The following SLC14A2 variants were observed in gnomAD, a reference collection of about 807,000 sequenced individuals.
SLC14A2 encodes urea transporter 2.
Under a neutral mutation model 104.6 loss-of-function variants are expected in SLC14A2, and 91 were observed. The ratio of observed to expected loss-of-function variants is 0.87; its 90% CI spans 0.73 to 1.04. SLC14A2 has a LOEUF of 1.04. Ranked by LOEUF, SLC14A2 falls within the 50% of genes least tolerant of loss-of-function variation. SLC14A2 has a pLI of 0.00. For missense variants in SLC14A2, 1,189 were observed against 1,156.0 expected (o/e 1.03, Z -0.41); for synonymous variants, 476 against 466.4 (o/e 1.02, Z -0.27).
intron 1 of SLC14A2, among the ~76,000 whole-genome samples, chr18:45,387,441 C>CA (rs1247663478): frequency 6.6e-6 from 1 of 152,162 alleles, no homozygotes; most frequent in Non-Finnish European, 1.5e-5. Context: ...ATGGTTACCA[C>CA]ACCCTGGAAA....
At chr18:45,396,254 C>A (rs1205602989) in intron 1 of SLC14A2, among the ~76,000 whole-genome samples, 1 of 152,136 alleles carries the variant, frequency 6.6e-6, no homozygotes, top group East Asian at 1.9e-4. Flanking sequence ...AGCTAGTCTT[C>A]CCAGATCTGT....
rs758979571 is a variant in SLC14A2, at chr18:45,637,176, G to A, written c.837G>A (p.Met279Ile). ...VPNITWTEME[M>I]PLLLQAIPVG... ...ATATCACCTGGACAGAGATGGAAATGCCCCTGGTAAGTTACCCAGCGGTGA... is the reference window on the plus strand; with the variant it reads ...ATATCACCTGGACAGAGATGGAAATACCCCTGGTAAGTTACCCAGCGGTGA... The change falls in exon 6 of 20, where the codon ATG (methionine) becomes ATA (isoleucine). Residue 279 changes from methionine (M) to isoleucine (I), a missense_variant. Physicochemically the swap from Met to Ile is conservative, Grantham distance 10. Transcript: ENST00000255226. 6.2e-7 allele frequency: 1 copy of A among 1,613,758 alleles called. No individual in the cohort carries two copies. The highest frequency in any genetic ancestry group is 1.1e-5 in the South Asian group (1 of 91,012).
intron 2 of SLC14A2, among the ~76,000 whole-genome samples, chr18:45,567,055 AGTGTGTGTGTGTGTGTGT>A (rs3058364): frequency 1.7e-4 from 24 of 139,810 alleles, no homozygotes; most frequent in South Asian, 1.3e-3. Context: ...ATGTGCACAT[AGTGTGTGTGTGTGTGTGT>A]GTGTGTGTGT....
intron 1 of SLC14A2, among the ~76,000 whole-genome samples, chr18:45,408,172 T>C (rs2086176949): frequency 6.6e-6 from 1 of 152,194 alleles, no homozygotes; most frequent in Non-Finnish European, 1.5e-5. Flanking sequence ...TACAAATGCT[T>C]TGTTCTTCAC....
At chr18:45,672,862 G>T (rs777785266) in intron 16 of SLC14A2, 38 bp from the exon 17 acceptor site, 1 of 1,583,838 alleles carries the variant, frequency 6.3e-7, no homozygotes. Flanking sequence ...TGTCTCTTTT[G>T]CCTCCATAAT....
At chr18:45,190,747 C>T in the SLC14A2 span, among the ~76,000 whole-genome samples, 1 of 152,170 alleles carries the variant, frequency 6.6e-6, no homozygotes, top group African/African-American at 2.4e-5. Flanking sequence ...GCACTTTTGT[C>T]CAAAGGGATA....
At chr18:45,441,201 G>A (rs2086677561) in intron 1 of SLC14A2, among the ~76,000 whole-genome samples, 1 of 152,078 alleles carries the variant, frequency 6.6e-6, no homozygotes, top group Admixed American at 6.5e-5. Flanking sequence ...AAATAACAAG[G>A]TGCCTTTTTA....
Position 45,492,616 on chromosome 18 carries a change from G to A in SLC14A2, c.-35+9294G>A, listed in dbSNP as rs114698358. Among the ~76,000 whole-genome samples, 977 of 152,308 alleles carry A rather than the reference G, an allele frequency of 6.4e-3. 11 individuals carry two copies. The highest frequency in any genetic ancestry group is 0.022 in the African/African-American group (915 of 41,558). ...AGATTTGGGTGGGTCACAGAGCCAA[G>A]CCATATCAGAAATGTTTTCTTTAAT... On this transcript the variant is annotated intron_variant, in intron 2 of 20. Transcript: ENST00000586448.
intron 2 of SLC14A2, among the ~76,000 whole-genome samples, chr18:45,499,089 C>CACA (rs1303891459): frequency 6.6e-6 from 1 of 152,146 alleles, no homozygotes; most frequent in Non-Finnish European, 1.5e-5. Context: ...CAGTCCCAAA[C>CACA]ACCACCACCA....
At chr18:45,502,341 A>G (rs1481743513) in intron 2 of SLC14A2, among the ~76,000 whole-genome samples, 1 of 152,238 alleles carries the variant, frequency 6.6e-6, no homozygotes, top group African/African-American at 2.4e-5. Context: ...AGCTGCCTCC[A>G]TGAGAACATA....
At chr18:45,361,812 T>TA (rs398120414) in intron 1 of SLC14A2, among the ~76,000 whole-genome samples, 15 of 152,074 alleles carry the variant, frequency 9.9e-5, no homozygotes, top group Non-Finnish European at 1.3e-4. Flanking sequence ...TTTTTTTTTT[T>TA]AAATCTTGAA....
chr18:45,244,401 C>T lies in SLC14A2; in HGVS notation c.-125+31210C>T, dbSNP rs565691637. Among the ~76,000 whole-genome samples, 6 of 152,104 alleles carry T rather than the reference C, an allele frequency of 3.9e-5. No individual in the cohort carries two copies. In the East Asian group the frequency reaches 7.7e-4, roughly 20 times the overall value. ...CAGCACTTTGGGAAGCCAAGGCGGG[C>T]GGATCACGTGAGGTCAGGAGTTTGA... On this transcript the variant is annotated intron_variant, in intron 1 of 20. Coordinates refer to the SLC14A2 transcript ENST00000586448.
At chr18:45,614,842 G>T (rs1279438628), upstream of SLC14A2, 1 of 139,856 alleles carries the variant, frequency 7.2e-6, no homozygotes, top group African/African-American at 2.7e-5. Flanking sequence ...CTGTCACCCA[G>T]GCTGGAGTAC....
intron 1 of SLC14A2, among the ~76,000 whole-genome samples, chr18:45,218,896 TA>T (rs59483107): frequency 3.0e-3 from 432 of 142,724 alleles, no homozygotes; most frequent in Admixed American, 3.7e-3. Flanking sequence ...CTTGCTGCTT[TA>T]AAAAAAAAAA....
chr18:45,677,589 G>T (rs150363263), intron 18 of SLC14A2, among the ~76,000 whole-genome samples: 29 of 152,340 alleles, frequency 1.9e-4, no homozygotes, highest in African/African-American at 7.0e-4. Flanking sequence ...TTGTGAAAAT[G>T]ATGAGAATAA....
chr18:45,595,468 C>T (rs2044708032), intron 2 of SLC14A2, among the ~76,000 whole-genome samples: 1 of 151,962 alleles, frequency 6.6e-6, no homozygotes, highest in Non-Finnish European at 1.5e-5. Context: ...TACTTCAAAC[C>T]CCACACTTTT....
intron 1 of SLC14A2, among the ~76,000 whole-genome samples, chr18:45,370,525 T>A (rs2085711700): frequency 6.6e-6 from 1 of 152,208 alleles, no homozygotes; most frequent in African/African-American, 2.4e-5. Flanking sequence ...ACCCAAAATA[T>A]ATGTGTGTTC....
At chr18:45,455,586 A>G (rs1238430171) in intron 1 of SLC14A2, among the ~76,000 whole-genome samples, 2 of 152,076 alleles carry the variant, frequency 1.3e-5, no homozygotes, top group African/African-American at 2.4e-5. Flanking sequence ...TGGCACGTGT[A>G]TACCTACGTA....
intron 2 of SLC14A2, chr18:45,527,816 A>C (rs1158181668): frequency 6.6e-6 from 1 of 152,244 alleles, no homozygotes; most frequent in Non-Finnish European, 1.5e-5. Context: ...GAATGATTAC[A>C]GTTCATAACT....
Sources: gnomAD v4.1 joint callset for allele counts (sites outside exome capture counted in the v4.1 genomes callset) on GRCh38, gnomAD v4.1.1 for gene constraint, MANE v1.5 for transcripts, NCBI Gene and HGNC (gene_info 2026-07-23, HGNC 2026-07-21) for gene names.